Variants in PAPPA2 observed in about 807,000 individuals in gnomAD.
PAPPA2 encodes the protein pappalysin 2.
A neutral mutation model predicts 176.4 loss-of-function variants in PAPPA2; 86 were observed. That is an observed-to-expected ratio of 0.49 (90% CI 0.41 to 0.58). The LOEUF is 0.58. Among genes scored for constraint, PAPPA2 ranks in the 20% least tolerant of loss-of-function variants. The pLI is 0.00. For synonymous variants in PAPPA2, 809 were observed against 852.2 expected, an observed-to-expected ratio of 0.95 and a Z score of 0.88; for missense variants, 2,073 against 2,256.9, an observed-to-expected ratio of 0.92 and a Z score of 1.65.
At chr1:176,479,216 G>A (rs542171933) in intron 1 of PAPPA2, among the ~76,000 whole-genome samples, 29 of 152,220 alleles carry the variant, frequency 1.9e-4, no homozygotes, top group Admixed American at 7.2e-4. Context: ...ACTAGTAAAC[G>A]AATTAAAGCA....
intron 1 of PAPPA2, among the ~76,000 whole-genome samples, chr1:176,464,304 A>G (rs1651514192): frequency 6.6e-6 from 1 of 152,158 alleles, no homozygotes; most frequent in African/African-American, 2.4e-5. Context: ...TAGTTTTGCC[A>G]TTGGGCACAG....
At chr1:176,543,440 A>G (rs1417086711) in intron 1 of PAPPA2, among the ~76,000 whole-genome samples, 2 of 151,882 alleles carry the variant, frequency 1.3e-5, no homozygotes, top group Non-Finnish European at 2.9e-5. Context: ...TGAGCCCCAC[A>G]TTCCAGCTTC....
At chr1:176,767,085 C>T (rs1318582154) in intron 15 of PAPPA2, among the ~76,000 whole-genome samples, 1 of 152,084 alleles carries the variant, frequency 6.6e-6, no homozygotes, top group Non-Finnish European at 1.5e-5. Context: ...GTCTGTGAAG[C>T]TTTAGCCAGG....
intron 12 of PAPPA2, among the ~76,000 whole-genome samples, chr1:176,713,587 C>T (rs565031494): frequency 6.6e-6 from 1 of 152,132 alleles, no homozygotes; most frequent in East Asian, 1.9e-4. Context: ...CTGTCATTTT[C>T]AAAACTAGGC....
Position 176,556,652 on chromosome 1 carries a change from C to A in PAPPA2, c.330C>A (p.Asp110Glu), listed in dbSNP as rs1411545887. ...ATGCTGTGAGCCTTGTTCCCCCAGA[C>A]CTGACTGAAAATCCAGCAGGACTGA... is the stretch of plus-strand genomic sequence containing the variant. ...EGNAVSLVPP[D>E]LTENPAGLRG... The change falls in exon 2 of 23, where the codon GAC (aspartate) becomes GAA (glutamate). Residue 110 changes from aspartate to glutamate, a missense_variant. Transcript: ENST00000367662. 1 of 1,614,186 alleles carries A rather than the reference C, an allele frequency of 6.2e-7. No individual in the cohort carries two copies. The highest frequency in any genetic ancestry group is 8.5e-7 in the Non-Finnish European group (1 of 1,180,038).
At chr1:176,601,177 G>A (rs944575725) in intron 3 of PAPPA2, among the ~76,000 whole-genome samples, 1 of 152,144 alleles carries the variant, frequency 6.6e-6, no homozygotes, top group African/African-American at 2.4e-5. Flanking sequence ...CTACCCCTCT[G>A]TCATGTCTGC....
intron 1 of PAPPA2, among the ~76,000 whole-genome samples, chr1:176,504,781 T>C (rs1648161222): frequency 6.6e-6 from 1 of 152,150 alleles, no homozygotes; most frequent in African/African-American, 2.4e-5. Context: ...AAGGCAAAAG[T>C]TGCAAGGGCC....
chr1:176,762,579 C>T (rs151239712), intron 14 of PAPPA2, among the ~76,000 whole-genome samples: 1 of 152,298 alleles, frequency 6.6e-6, no homozygotes, highest in African/African-American at 2.4e-5. Context: ...CCAGTACTTC[C>T]TGTTTAGCAT....
intron 12 of PAPPA2, among the ~76,000 whole-genome samples, chr1:176,736,654 A>G (rs1662429679): frequency 6.7e-6 from 1 of 150,032 alleles, no homozygotes; most frequent in African/African-American, 2.4e-5. Context: ...ATATATTTAA[A>G]TAATGAATAA....
intron 12 of PAPPA2, among the ~76,000 whole-genome samples, chr1:176,722,424 T>A (rs1661668092): frequency 6.6e-6 from 1 of 150,656 alleles, no homozygotes; most frequent in Non-Finnish European, 1.5e-5. Context: ...ATTTCCTTTT[T>A]TTTTTTTTTT....
chr1:176,487,461 A>T (rs1652697440), intron 1 of PAPPA2, among the ~76,000 whole-genome samples: 2 of 152,228 alleles, frequency 1.3e-5, no homozygotes, highest in South Asian at 4.1e-4. Context: ...CTCAGAATCC[A>T]ACTGGGAAGT....
chr1:176,702,459 C>T, intron 8 of PAPPA2, 148 bp from the exon 9 acceptor site: 1 of 1,202,176 alleles, frequency 8.3e-7, no homozygotes, highest in Non-Finnish European at 1.1e-6. Context: ...AGACTGTGCC[C>T]TGATCTTTGT....
At position 176,670,978 on chromosome 1, in the gene PAPPA2, T is replaced by C; in HGVS notation, c.2000T>C (p.Met667Thr). The change falls in exon 4 of 23, where the codon ATG (methionine) becomes ACG (threonine). Residue 667 changes from methionine to threonine, a missense_variant. Physicochemically the swap from Met to Thr is moderately conservative, Grantham distance 81. This residue lies in a region of PAPPA2 where 1,196 missense variants were observed against 1,330.4 expected (regional missense o/e 0.90). Transcript: ENST00000367662. ...TCTTGCATGCTCTCTAGGGCATACA[T>C]GAGTGTGAAGGAGCTGAAGGAGGCC... ...FDPDSPKRAYMSVKELKEALQ... is the reference protein window; with the variant it reads ...FDPDSPKRAYTSVKELKEALQ... 1 of 1,613,816 alleles carries C rather than the reference T, an allele frequency of 6.2e-7. No homozygotes were observed. Among genetic ancestry groups the C allele is most frequent in the Non-Finnish European group, 8.5e-7 (1 of 1,179,794 alleles).
chr1:176,812,482 C>T (rs1666197865), intron 21 of PAPPA2, among the ~76,000 whole-genome samples: 1 of 152,098 alleles, frequency 6.6e-6, no homozygotes, highest in Non-Finnish European at 1.5e-5. Context: ...AATTGTGCTT[C>T]AAAACTGTGT....
At chr1:176,532,036 C>T (rs1019649639) in intron 1 of PAPPA2, among the ~76,000 whole-genome samples, 7 of 152,110 alleles carry the variant, frequency 4.6e-5, no homozygotes, top group East Asian at 1.9e-4. Flanking sequence ...TCTCTCACTC[C>T]GAGGTTTTTC....
chr1:176,473,249 G>A (rs1651965213), intron 1 of PAPPA2, among the ~76,000 whole-genome samples: 1 of 151,970 alleles, frequency 6.6e-6, no homozygotes, highest in South Asian at 2.1e-4. Context: ...GTATAGTTTT[G>A]CCTTTTCTAG....
intron 15 of PAPPA2, among the ~76,000 whole-genome samples, chr1:176,766,774 A>G (rs1344357264): frequency 6.6e-6 from 1 of 152,212 alleles, no homozygotes; most frequent in Non-Finnish European, 1.5e-5. Context: ...AAACATGACC[A>G]TATTATAAGA....
intron 1 of PAPPA2, among the ~76,000 whole-genome samples, chr1:176,485,688 A>G (rs1263973620): frequency 6.6e-6 from 1 of 152,182 alleles, no homozygotes; most frequent in Non-Finnish European, 1.5e-5. Context: ...TTTGCCACTG[A>G]TGCATTCTTA....
chr1:176,690,402 T>C lies in PAPPA2; in HGVS notation c.2403T>C (p.Ala801=), dbSNP rs772645199. 1.9e-5 allele frequency: 31 copies of C among 1,613,998 alleles called. No homozygotes were observed. Among genetic ancestry groups the C allele is most frequent in the Non-Finnish European group, 2.2e-5 (26 of 1,180,000 alleles). The change falls in exon 5 of 23, where the codon GCT becomes GCC. Residue 801 remains alanine (A), a synonymous_variant. Transcript: ENST00000367662. ...DTCGFTRFPG[A]PFTNYMSYTD... ...GTGGCTTCACTCGCTTCCCAGGGGC[T>C]CCGTTCACCAACTACATGAGCTACA...
Sources: allele counts gnomAD v4.1 joint callset (sites outside exome capture counted in the v4.1 genomes callset), GRCh38; gene constraint gnomAD v4.1.1; regional missense constraint gnomAD v4.1.1; transcripts MANE v1.5; gene names NCBI Gene and HGNC (gene_info 2026-07-23, HGNC 2026-07-21).